The following NDST4 variants were observed in gnomAD, a reference collection of about 807,000 sequenced individuals.
NDST4 encodes the protein N-heparan sulfate sulfotransferase 4.
In NDST4, 63 loss-of-function variants were observed where a neutral mutation model predicts 100.8. The ratio of observed to expected loss-of-function variants is 0.62; its 90% CI spans 0.51 to 0.77. The LOEUF (loss-of-function observed/expected upper bound fraction) is 0.77. Ranked by LOEUF, NDST4 falls within the 30% of genes least tolerant of loss-of-function variation. NDST4 has a pLI of 0.00. For missense variants in NDST4, 943 were observed against 1,018.4 expected, an observed-to-expected ratio of 0.93 and a Z score of 1.01; for synonymous variants, 377 against 361.8, an observed-to-expected ratio of 1.04 and a Z score of -0.48.
chr4:115,069,934 A>G (rs368047134), intron 2 of NDST4, among the ~76,000 whole-genome samples: 3 of 152,094 alleles, frequency 2.0e-5, no homozygotes, highest in African/African-American at 7.2e-5. Context: ...GTTGCAGAAG[A>G]GGTTGTGGAG....
intron 1 of NDST4, among the ~76,000 whole-genome samples, chr4:115,080,808 T>A (rs1367602017): frequency 6.6e-6 from 1 of 152,052 alleles, no homozygotes; most frequent in Non-Finnish European, 1.5e-5. Flanking sequence ...AATTTAAAAA[T>A]CTATTTAAAC....
chr4:114,941,476 A>T (rs1725748989), intron 4 of NDST4, among the ~76,000 whole-genome samples: 3 of 152,092 alleles, frequency 2.0e-5, no homozygotes, highest in Non-Finnish European at 2.9e-5. Context: ...ACATTTCTCA[A>T]ACTCCTCTGC....
intron 1 of NDST4, among the ~76,000 whole-genome samples, chr4:115,088,246 C>T (rs945803994): frequency 6.6e-6 from 1 of 151,748 alleles, no homozygotes; most frequent in Non-Finnish European, 1.5e-5. Flanking sequence ...ACTAATGTTT[C>T]CCAAACTGAA....
chr4:115,021,889 C>T lies in NDST4; in HGVS notation c.979-44615G>A, dbSNP rs541143058. 2.4e-3 allele frequency among the ~76,000 whole-genome samples: 351 copies of T among 147,064 alleles called. 1 individual carries two copies. Among genetic ancestry groups the T allele is most frequent in the Admixed American group, 4.9e-3 (73 of 15,022 alleles). ...ATACACATTCCATATATATACGTTC[C>T]ACAGCTATACACATTCCATATATAT... On this transcript the variant is annotated intron_variant, in intron 2 of 13. Transcript: ENST00000264363.
At chr4:114,873,428 A>T (rs1467952312) in intron 6 of NDST4, among the ~76,000 whole-genome samples, 1 of 151,850 alleles carries the variant, frequency 6.6e-6, no homozygotes, top group Non-Finnish European at 1.5e-5. Flanking sequence ...TAAATTATTT[A>T]AAAATTTTAA....
intron 2 of NDST4, among the ~76,000 whole-genome samples, chr4:114,980,236 T>C (rs1220316581): frequency 1.3e-5 from 2 of 152,224 alleles, no homozygotes; most frequent in Non-Finnish European, 2.9e-5. Context: ...AGCTTGTTAA[T>C]GAGCTAGAAA....
chr4:114,959,244 T>C (rs1297312483), intron 4 of NDST4, among the ~76,000 whole-genome samples: 2 of 152,170 alleles, frequency 1.3e-5, no homozygotes, highest in African/African-American at 2.4e-5. Context: ...TCCAAGCTGT[T>C]CCAACCTCTG....
chr4:115,093,292 G>A (rs1224218056), intron 1 of NDST4, among the ~76,000 whole-genome samples: 5 of 151,946 alleles, frequency 3.3e-5, no homozygotes, highest in African/African-American at 7.3e-5. Flanking sequence ...TGGCTAACAC[G>A]GTGAAACCCC....
Position 114,937,486 on chromosome 4 carries a change from G to C in NDST4, c.1239C>G (p.Ile413Met). ...GTGGGGCCACAGCATAGCCCATGTTGATTGGTATTCCATGTTCCTAAAACA... is the reference window on the plus strand; with the variant it reads ...GTGGGGCCACAGCATAGCCCATGTTCATTGGTATTCCATGTTCCTAAAACA... ...KEFALEHGIP[I>M]NMGYAVAPHH... Residue 413 changes from isoleucine to methionine, a missense_variant, in exon 5 of 14, where the codon ATC becomes ATG. Physicochemically the swap from Ile to Met is conservative, Grantham distance 10. Around this residue, in one of 2 missense-constraint regions of NDST4, gnomAD observed 526 missense variants for 634.1 expected, o/e 0.83. Transcript: ENST00000264363. 2 of 1,576,512 alleles carry C rather than the reference G, an allele frequency of 1.3e-6. No individual in the cohort carries two copies. Among genetic ancestry groups the C allele is most frequent in the Non-Finnish European group, 1.7e-6 (2 of 1,161,790 alleles).
In NDST4 at chr4:115,076,688, T is replaced by C. The variant is rs1426645989; in HGVS notation, c.349A>G (p.Ile117Val). Residue 117 changes from isoleucine (I) to valine (V), a missense_variant, in exon 2 of 14, where the codon ATA (isoleucine) becomes GTA (valine). Transcript: ENST00000264363. ...HMVIAPGKGD[I>V]PPLTDNGKGK... is the part of the protein sequence containing the mutation. ...TTGCCATTATCTGTAAGAGGAGGTA[T>C]ATCTCCCTTTCCAGGGGCAATAACC... The C allele has an allele frequency of 4.3e-6, 7 of 1,613,818 alleles. No homozygotes were observed. Among genetic ancestry groups the C allele is most frequent in the African/African-American group, 2.7e-5 (2 of 74,936 alleles).
intron 2 of NDST4, among the ~76,000 whole-genome samples, chr4:115,023,808 T>G (rs1727916517): frequency 6.6e-6 from 1 of 152,072 alleles, no homozygotes; most frequent in African/African-American, 2.4e-5. Context: ...ACAGAGAACT[T>G]TGATGGTGCT....
intron 10 of NDST4, among the ~76,000 whole-genome samples, chr4:114,844,641 T>C (rs949400912): frequency 1.3e-5 from 2 of 152,220 alleles, no homozygotes; most frequent in Non-Finnish European, 2.9e-5. Flanking sequence ...CAATGTTTAA[T>C]TACATATCAC....
intron 4 of NDST4, among the ~76,000 whole-genome samples, chr4:114,962,383 G>C (rs1360255153): frequency 6.6e-6 from 1 of 151,956 alleles, no homozygotes. Context: ...ATTTGCACAT[G>C]ACATAATCTT....
intron 6 of NDST4, among the ~76,000 whole-genome samples, chr4:114,914,306 A>T (rs1345645358): frequency 1.3e-5 from 2 of 152,172 alleles, no homozygotes; most frequent in African/African-American, 2.4e-5. Context: ...TATACATTTT[A>T]AAATAGCTAA....
chr4:115,076,863 T>C lies in NDST4; in HGVS notation c.174A>G (p.Leu58=). The change falls in exon 2 of 14, where the codon CTA becomes CTG. Residue 58 remains leucine (L), a synonymous_variant. Transcript: ENST00000264363. ...AEAECTDIKI[L]PYRSMELKTV... ...TTTTCAGCTCCATTGACCTATATGG[T>C]AGAATTTTGATGTCAGTGCATTCTG... 6.2e-7 allele frequency: 1 copy of C among 1,613,850 alleles called. No homozygotes were observed. The highest frequency in any genetic ancestry group is 8.5e-7 in the Non-Finnish European group (1 of 1,179,888).
intron 6 of NDST4, among the ~76,000 whole-genome samples, chr4:114,883,117 A>G (rs1464359471): frequency 6.6e-6 from 1 of 152,092 alleles, no homozygotes; most frequent in Non-Finnish European, 1.5e-5. Context: ...TTAGGCAGAG[A>G]AAAATGATAT....
chr4:114,868,944 T>TTATATATATA (rs3077771), intron 7 of NDST4, among the ~76,000 whole-genome samples: 22 of 143,594 alleles, frequency 1.5e-4, no homozygotes, highest in African/African-American at 2.7e-4. Context: ...CACTTGCAAA[T>TTATATATATA]TATATATATA....
chr4:115,086,273 T>A (rs151165798), intron 1 of NDST4, among the ~76,000 whole-genome samples: 1 of 152,242 alleles, frequency 6.6e-6, no homozygotes, highest in East Asian at 1.9e-4. Context: ...TTATTTTCAG[T>A]AGCAACCACT....
At chr4:114,849,219 G>A (rs1362250094) in intron 8 of NDST4, among the ~76,000 whole-genome samples, 1 of 152,184 alleles carries the variant, frequency 6.6e-6, no homozygotes, top group Non-Finnish European at 1.5e-5. Context: ...TTCCCTCAGA[G>A]CCAGGCCGGA....
Sources: gnomAD v4.1 joint callset for allele counts (sites outside exome capture counted in the v4.1 genomes callset) on GRCh38, gnomAD v4.1.1 for gene constraint, gnomAD v4.1.1 regional missense constraint, MANE v1.5 for transcripts, NCBI Gene and HGNC (gene_info 2026-07-23, HGNC 2026-07-21) for gene names.